The following GRB10 variants were observed in gnomAD, a reference collection of about 807,000 sequenced individuals.
The protein encoded by GRB10 is growth factor receptor-bound protein 10.
A neutral mutation model predicts 80.9 loss-of-function variants in GRB10; 20 were observed. The ratio of observed to expected loss-of-function variants is 0.25; its 90% CI spans 0.17 to 0.36. The LOEUF is 0.36. Ranked by LOEUF, GRB10 falls within the 10% of genes least tolerant of loss-of-function variation. The pLI is 1.00. For synonymous variants in GRB10, 291 were observed against 291.5 expected, an observed-to-expected ratio of 1.00 and a Z score of 0.02; for missense variants, 548 against 747.7, an observed-to-expected ratio of 0.73 and a Z score of 3.12.
intron 7 of GRB10, among the ~76,000 whole-genome samples, chr7:50,648,210 G>A (rs1031740454): frequency 6.6e-6 from 1 of 152,148 alleles, no homozygotes; most frequent in African/African-American, 2.4e-5. Flanking sequence ...GAGAAGGAAA[G>A]TCCAGCAAAG....
intron 7 of GRB10, among the ~76,000 whole-genome samples, chr7:50,661,029 A>T (rs1269402085): frequency 6.6e-6 from 1 of 152,214 alleles, no homozygotes; most frequent in Non-Finnish European, 1.5e-5. Context: ...CAGCGGGTGG[A>T]AGGGGCTAAA....
chr7:50,595,590 C>T (rs776255939), intron 17 of GRB10, 60 bp from the exon 18 acceptor site: 7 of 825,280 alleles, frequency 8.5e-6, no homozygotes, highest in Non-Finnish European at 1.5e-5. Context: ...TAATCACACA[C>T]ACACACTCTC....
intron 5 of GRB10, among the ~76,000 whole-genome samples, chr7:50,682,221 T>C (rs1340778199): frequency 6.6e-6 from 1 of 152,224 alleles, no homozygotes; most frequent in Non-Finnish European, 1.5e-5. Flanking sequence ...ACAGCAATTT[T>C]AGGAGCCCCT....
chr7:50,610,400 C>G (rs1182752087), intron 13 of GRB10, among the ~76,000 whole-genome samples: 1 of 152,242 alleles, frequency 6.6e-6, no homozygotes, highest in Non-Finnish European at 1.5e-5. Context: ...CCTGTCAGGT[C>G]TGGCTCCCCA....
chr7:50,638,784 T>C (rs148751518), intron 7 of GRB10, among the ~76,000 whole-genome samples: 2 of 152,298 alleles, frequency 1.3e-5, no homozygotes, highest in African/African-American at 2.4e-5. Flanking sequence ...TAAAAAGACA[T>C]GCATCTGTAT....
rs372407215 is a variant in GRB10, at chr7:50,603,648, C to G, written c.1544+350G>C. Among the ~76,000 whole-genome samples, 18 of 152,316 alleles carry G rather than the reference C, an allele frequency of 1.2e-4. No individual in the cohort carries two copies. The East Asian group carries it at 3.1e-3, about 26-fold the overall frequency. ...GCTATTTGTTCTCAGCAAAACCAAC[C>G]TCATGTAGTACACAATCAAAAAGCG... On this transcript the variant is annotated intron_variant, in intron 17 of 18. Transcript: ENST00000401949.
At chr7:50,685,451 GT>G (rs2153653219) in intron 5 of GRB10, among the ~76,000 whole-genome samples, 1 of 152,318 alleles carries the variant, frequency 6.6e-6, no homozygotes, top group South Asian at 2.1e-4. Context: ...GTAGGAAAGA[GT>G]GGGCACCCAA....
At position 50,616,223 on chromosome 7, in the gene GRB10, T is replaced by C; in HGVS notation, c.971A>G (p.Lys324Arg). 6.2e-7 allele frequency: 1 copy of C among 1,614,204 alleles called. No homozygotes were observed. Among genetic ancestry groups the C allele is most frequent in the Non-Finnish European group, 8.5e-7 (1 of 1,180,028 alleles). ...LRRSGLYCST[K>R]GTSKEPRHLQ... ...TTTAAAGCTCACCTTTGAAGTTCCC[T>C]TGGTGGAGCAATAAAGGCCAGATCT... is the stretch of plus-strand genomic sequence containing the variant. Residue 324 changes from lysine (K) to arginine (R), a missense_variant, in exon 11 of 19, where the codon AAG (lysine) becomes AGG (arginine). Physicochemically the swap from Lys to Arg is conservative, Grantham distance 26. Around this residue, in one of 4 missense-constraint regions of GRB10, gnomAD observed 270 missense variants for 433.6 expected, o/e 0.62. Coordinates refer to ENST00000401949, the MANE Select transcript of GRB10 (RefSeq NM_001350814.2).
At chr7:50,658,330 G>A (rs1239179163) in intron 7 of GRB10, among the ~76,000 whole-genome samples, 2 of 152,224 alleles carry the variant, frequency 1.3e-5, no homozygotes, top group Non-Finnish European at 2.9e-5. Flanking sequence ...GTAAATTGGG[G>A]AAAGTGCATT....
At chr7:50,742,232 T>C (rs956263331) in intron 3 of GRB10, among the ~76,000 whole-genome samples, 2 of 152,090 alleles carry the variant, frequency 1.3e-5, no homozygotes, top group Admixed American at 6.5e-5. Flanking sequence ...GTGCTTTTTA[T>C]GTATTTGTCT....
At chr7:50,698,772 A>C (rs1233909640) in intron 5 of GRB10, among the ~76,000 whole-genome samples, 1 of 152,260 alleles carries the variant, frequency 6.6e-6, no homozygotes, top group East Asian at 1.9e-4. Flanking sequence ...ATTTGTCTTC[A>C]AATTCTTGAG....
intron 1 of GRB10, among the ~76,000 whole-genome samples, chr7:50,792,178 C>T (rs865996573): frequency 1.7e-4 from 26 of 152,250 alleles, no homozygotes; most frequent in African/African-American, 5.3e-4. Flanking sequence ...ACAGCAGCAA[C>T]GAGCAAGTTG....
intron 17 of GRB10, among the ~76,000 whole-genome samples, chr7:50,598,272 A>T (rs915288049): frequency 6.6e-6 from 1 of 152,224 alleles, no homozygotes; most frequent in Non-Finnish European, 1.5e-5. Context: ...CAATCACTGC[A>T]ATCAGCCAAC....
chr7:50,722,633 G>GTGAT, intron 4 of GRB10, among the ~76,000 whole-genome samples: 1 of 152,210 alleles, frequency 6.6e-6, no homozygotes, highest in African/African-American at 2.4e-5. Context: ...AGGGTGACAG[G>GTGAT]GCCCAGAGTG....
intron 7 of GRB10, among the ~76,000 whole-genome samples, chr7:50,655,161 C>G (rs887708646): frequency 6.6e-6 from 1 of 152,166 alleles, no homozygotes; most frequent in Non-Finnish European, 1.5e-5. Flanking sequence ...GCTGACGTCC[C>G]TTTGAGATTA....
At chr7:50,790,550 C>G (rs1032903037) in intron 1 of GRB10, among the ~76,000 whole-genome samples, 8 of 152,278 alleles carry the variant, frequency 5.3e-5, no homozygotes, top group Non-Finnish European at 1.0e-4. Context: ...ACGGAGCAAA[C>G]GTGCAAAGGC....
chr7:50,619,524 T>A lies in GRB10; in HGVS notation c.662-239A>T, dbSNP rs116706829. Among the ~76,000 whole-genome samples, 1,152 of 152,342 alleles carry A rather than the reference T, an allele frequency of 7.6e-3. 16 individuals are homozygous for A. Among genetic ancestry groups the A allele is most frequent in the African/African-American group, 0.026 (1,067 of 41,566 alleles). ...TACTTATTTTTATATACTTTTTGAA[T>A]TTGGCATCAACCAGATGTTAAGGAA... On this transcript the variant is annotated intron_variant, in intron 8 of 18. Transcript: ENST00000401949.
chr7:50,762,194 A>T lies in GRB10; in HGVS notation c.-216-6138T>A, dbSNP rs758172597. ...ACGTTTAGTAAGATTGCGATCCCAG[A>T]GCAAACTACAAACCCTCCCCAGCCC... On this transcript the variant is annotated intron_variant, in intron 2 of 18. Transcript: ENST00000401949. Among the ~76,000 whole-genome samples the T allele has an allele frequency of 9.2e-5, 14 of 152,040 alleles. No individual in the cohort carries two copies. In the South Asian group the frequency reaches 1.0e-3, roughly 11 times the overall value.
intron 3 of GRB10, among the ~76,000 whole-genome samples, chr7:50,744,577 T>C (rs2072523136): frequency 6.6e-6 from 1 of 152,224 alleles, no homozygotes; most frequent in South Asian, 2.1e-4. Flanking sequence ...ACTGTATTCT[T>C]AGAATAAAGT....
Sources: allele counts gnomAD v4.1 joint callset (sites outside exome capture counted in the v4.1 genomes callset), GRCh38; gene constraint gnomAD v4.1.1; regional missense constraint gnomAD v4.1.1; transcripts MANE v1.5; gene names NCBI Gene and HGNC (gene_info 2026-07-23, HGNC 2026-07-21).